The following LRP1 variants were observed in gnomAD, a reference collection of about 807,000 sequenced individuals.
LRP1 encodes prolow-density lipoprotein receptor-related protein 1.
Under a neutral mutation model 541.5 loss-of-function variants are expected in LRP1, and 51 were observed. The observed-to-expected ratio is 0.09, with a 90% CI of 0.08 to 0.12. The LOEUF is 0.12. LRP1 is among the 10% of genes least tolerant of loss of function. The probability of loss-of-function intolerance (pLI) is 1.00; values close to 1 mark genes in which losing one functional copy is unlikely to be tolerated. For synonymous variants in LRP1, 2,219 were observed against 2,470.8 expected, an observed-to-expected ratio of 0.90 and a Z score of 3.02; for missense variants, 3,878 against 6,376.2, an observed-to-expected ratio of 0.61 and a Z score of 13.34.
At chr12:57,151,144 T>A (rs2035518044) in intron 6 of LRP1, among the ~76,000 whole-genome samples, 1 of 151,966 alleles carries the variant, frequency 6.6e-6, no homozygotes, top group Admixed American at 6.6e-5. Flanking sequence ...ATGGGGTGGG[T>A]CCCATGTGTT....
rs553631204 is a variant in LRP1 at position 57,199,859 on chromosome 12, C to A, written c.9866-18C>A. ...GGCCAGAAAATGTCACCATATTTCA[C>A]GACGTTTTCTCTGGCAGTGCCCAAT... On this transcript the variant is annotated intron_variant, in intron 61 of 88. Transcript: ENST00000243077. 3.2e-6 allele frequency: 5 copies of A among 1,572,784 alleles called. No homozygotes were observed. The highest frequency in any genetic ancestry group is 4.3e-6 in the Non-Finnish European group (5 of 1,161,870).
In LRP1 at chr12:57,193,705, A is replaced by G. The variant is rs1178221764; in HGVS notation, c.7804+20A>G. On this transcript the variant is annotated intron_variant, in intron 47 of 88. Transcript: ENST00000243077. The stretch of plus-strand genomic sequence containing the variant: ...GCAACAGTGAGTGAGGCGCACTGGC[A>G]TAACCCATCTGTACCTCAGTTCCTG... 1 of 1,614,092 alleles carries G rather than the reference A, an allele frequency of 6.2e-7. No individual in the cohort carries two copies. The highest frequency in any genetic ancestry group is 1.1e-5 in the South Asian group (1 of 91,088).
Position 57,128,902 on chromosome 12 carries a change from G to T in LRP1, c.-63G>T, listed in dbSNP as rs554712800. On this transcript the variant is annotated 5_prime_UTR_variant, in exon 1 of 89. Transcript: ENST00000243077. ...AAAAGGGGGACCCCCCAACTGGGGG[G>T]GGTGAAGGAGAGAAGTAGCAGGACC... The T allele has an allele frequency of 8.4e-6, 12 of 1,423,088 alleles. No homozygotes were observed. Among genetic ancestry groups the T allele is most frequent in the African/African-American group, 2.8e-5 (2 of 70,580 alleles). The allele number at this position is 1,423,088 out of a possible 1,614,324, so 88.2% of individuals were successfully genotyped here.
chr12:57,175,347 A>G (rs2036021285), intron 22 of LRP1, 113 bp from the exon 23 acceptor site: 1 of 1,248,790 alleles, frequency 8.0e-7, no homozygotes, highest in Non-Finnish European at 1.1e-6. Context: ...GGCCGTGGGC[A>G]GGGCACAAGG....
intron 45 of LRP1, 96 bp downstream of exon 45, chr12:57,193,066 G>T (rs1185202547): frequency 6.3e-7 from 1 of 1,586,720 alleles, no homozygotes; most frequent in Non-Finnish European, 8.6e-7. Flanking sequence ...GCCCCCCAAA[G>T]CCTTTTGCCA....
At chr12:57,191,147 G>A (rs888399270) in intron 43 of LRP1, 138 bp downstream of exon 43, 72 of 1,126,166 alleles carry the variant, frequency 6.4e-5, no homozygotes, top group Non-Finnish European at 8.7e-5. Context: ...CCCCAGCCTC[G>A]GTCAACCCCA....
chr12:57,188,345 A>G (rs1229911225), intron 42 of LRP1, among the ~76,000 whole-genome samples: 1 of 152,194 alleles, frequency 6.6e-6, no homozygotes, highest in East Asian at 1.9e-4. Context: ...CAAAAGCTTT[A>G]CTAGGAAACT....
rs1335495800 is a variant in LRP1 at position 57,206,817 on chromosome 12, G to A, written c.11859+76G>A. On this transcript the variant is annotated intron_variant, in intron 76 of 88. Transcript: ENST00000243077. This position sits in a 1 kb window ranked among gnomAD's most constrained non-coding sequence, Gnocchi z 4.7. Reference sequence around the variant, plus strand: ...CGGTTCAGAGCAGGATTTGAAAAGGGCAGTGCTGGCTAGGCGCAGTGGCTC... The same window carrying A: ...CGGTTCAGAGCAGGATTTGAAAAGGACAGTGCTGGCTAGGCGCAGTGGCTC... 2.0e-6 allele frequency: 3 copies of A among 1,530,338 alleles called. No homozygotes were observed. Among genetic ancestry groups the A allele is most frequent in the Non-Finnish European group, 2.7e-6 (3 of 1,129,558 alleles). 94.8% of individuals were successfully genotyped at this position (1,530,338 alleles called of 1,614,324 possible).
Position 57,177,348 on chromosome 12 carries a change from A to G in LRP1, c.4197-79A>G, listed in dbSNP as rs1592634176. 7.7e-6 allele frequency: 12 copies of G among 1,557,972 alleles called. No homozygotes were observed. The highest frequency in any genetic ancestry group is 1.0e-5 in the Non-Finnish European group (12 of 1,143,030). Reference sequence around the variant, plus strand: ...TCCTCAGTGCCATCTGCCTCCTCCCACCCTCTACCTACGATCCCACCACAG... The same window carrying G: ...TCCTCAGTGCCATCTGCCTCCTCCCGCCCTCTACCTACGATCCCACCACAG... On this transcript the variant is annotated intron_variant, in intron 25 of 88. Coordinates refer to ENST00000243077, the MANE Select transcript of LRP1 (RefSeq NM_002332.3). This position sits in a 1 kb window ranked among gnomAD's most constrained non-coding sequence, Gnocchi z 6.8.
Position 57,158,349 on chromosome 12 carries a change from G to A in LRP1, c.1562-53G>A. 4.8e-6 allele frequency: 7 copies of A among 1,445,236 alleles called. No homozygotes were observed. Among genetic ancestry groups the A allele is most frequent in the Non-Finnish European group, 6.7e-6 (7 of 1,048,514 alleles). 89.5% of individuals were successfully genotyped at this position (1,445,236 alleles called of 1,614,324 possible). On this transcript the variant is annotated intron_variant, in intron 10 of 88. Coordinates refer to ENST00000243077, the MANE Select transcript of LRP1 (RefSeq NM_002332.3). The surrounding 1 kb of genome is among the most constrained non-coding windows in gnomAD (Gnocchi z 5.3). ...GCCCCTTGGCCGCAGCCCCTGGGTGGGGATGATGGTCATGTGTGTGTCTGA... is the reference window on the plus strand; with the variant it reads ...GCCCCTTGGCCGCAGCCCCTGGGTGAGGATGATGGTCATGTGTGTGTCTGA...
Position 57,189,910 on chromosome 12 carries a change from G to A in LRP1, c.7032-895G>A, listed in dbSNP as rs1031398053. Among the ~76,000 whole-genome samples, 5 of 152,056 alleles carry A rather than the reference G, an allele frequency of 3.3e-5. No individual in the cohort carries two copies. The highest frequency in any genetic ancestry group is 1.2e-4 in the African/African-American group (5 of 41,380). ...GACCCAGGGCTCACCATCCAATGCC[G>A]GTGGTCCAAGGACCACTCTGTCACA... On this transcript the variant is annotated intron_variant, in intron 42 of 88. Coordinates refer to ENST00000243077, the MANE Select transcript of LRP1 (RefSeq NM_002332.3). The surrounding 1 kb of genome is among the most constrained non-coding windows in gnomAD (Gnocchi z 4.4).
intron 6 of LRP1, chr12:57,149,310 C>T (rs1401579273): frequency 6.8e-6 from 3 of 440,140 alleles, no homozygotes; most frequent in Admixed American, 7.9e-5. Flanking sequence ...TTTTGCTTCC[C>T]ATTCCTGTTC....
Position 57,206,421 on chromosome 12 carries a change from G to C in LRP1, c.11591-52G>C. The stretch of plus-strand genomic sequence containing the variant: ...TCATGTGAAAGGAGCTGAGCTGGGT[G>C]GGGTGCACACCTGCATCCCACAGCC... On this transcript the variant is annotated intron_variant, in intron 75 of 88. Transcript: ENST00000243077. This position sits in a 1 kb window ranked among gnomAD's most constrained non-coding sequence, Gnocchi z 4.7. The C allele has an allele frequency of 1.3e-6, 2 of 1,580,016 alleles. No individual in the cohort carries two copies. The highest frequency in any genetic ancestry group is 1.7e-6 in the Non-Finnish European group (2 of 1,154,730).
Position 57,206,430 on chromosome 12 carries a change from A to G in LRP1, c.11591-43A>G, listed in dbSNP as rs1051880874. On this transcript the variant is annotated intron_variant, in intron 75 of 88. Coordinates refer to ENST00000243077, the MANE Select transcript of LRP1 (RefSeq NM_002332.3). The surrounding 1 kb of genome is among the most constrained non-coding windows in gnomAD (Gnocchi z 4.7). ...AGGAGCTGAGCTGGGTGGGGTGCAC[A>G]CCTGCATCCCACAGCCCCAGCCCTG... The G allele has an allele frequency of 3.1e-6, 5 of 1,596,280 alleles. No individual in the cohort carries two copies. The African/African-American group carries it at 6.7e-5, about 21-fold the overall frequency.
Position 57,183,997 on chromosome 12 carries a change from G to A in LRP1, c.5929+88G>A. On this transcript the variant is annotated intron_variant, in intron 36 of 88. Transcript: ENST00000243077. The surrounding 1 kb of genome is among the most constrained non-coding windows in gnomAD (Gnocchi z 6.1). ...GGAGGAGTTGGCGGGAGCAGGAAGA[G>A]GAGCTGTAGGGGTGCCTGGGAGCTT... 6.2e-7 allele frequency: 1 copy of A among 1,602,944 alleles called. No individual in the cohort carries two copies.
chr12:57,185,478 C>T lies in LRP1; in HGVS notation c.6464-53C>T. ...GCCAAAGCCTGGATGACAAAGGCAC[C>T]AGTGAGCCTTTCCCAAGGCAGGCCC... On this transcript the variant is annotated intron_variant, in intron 40 of 88. Transcript: ENST00000243077. The surrounding 1 kb of genome is among the most constrained non-coding windows in gnomAD (Gnocchi z 4.9). 6.6e-7 allele frequency: 1 copy of T among 1,517,074 alleles called. No homozygotes were observed. Among genetic ancestry groups the T allele is most frequent in the Non-Finnish European group, 8.8e-7 (1 of 1,135,128 alleles). The allele number at this position is 1,517,074 out of a possible 1,614,324, so 94.0% of individuals were successfully genotyped here.
chr12:57,129,209 G>C, intron 1 of LRP1, 178 bp downstream of exon 1: 1 of 638,282 alleles, frequency 1.6e-6, no homozygotes, highest in South Asian at 1.9e-5. Flanking sequence ...GGGGATGGGG[G>C]CCCTGGGCAA....
rs2036645858 is a variant in LRP1, at chr12:57,201,166, G to A, written c.10345+13G>A. The A allele has an allele frequency of 4.3e-6, 7 of 1,613,794 alleles. No homozygotes were observed. Among genetic ancestry groups the A allele is most frequent in the Non-Finnish European group, 5.9e-6 (7 of 1,179,724 alleles). ...GAGAGGGACTGCCGTGAGTGTCAGA[G>A]GTGGTGGTGGGCCGGTGGTGGGAGA... On this transcript the variant is annotated intron_variant, in intron 65 of 88. Coordinates refer to ENST00000243077, the MANE Select transcript of LRP1 (RefSeq NM_002332.3). This position sits in a 1 kb window ranked among gnomAD's most constrained non-coding sequence, Gnocchi z 6.4.
chr12:57,200,418 C>T, intron 62 of LRP1, 24 bp from the exon 63 acceptor site: 3 of 1,426,844 alleles, frequency 2.1e-6, no homozygotes, highest in Non-Finnish European at 3.0e-6. Flanking sequence ...CCACCAACCC[C>T]TCTTGCCCCC....
Sources: gnomAD v4.1 joint callset for allele counts (sites outside exome capture counted in the v4.1 genomes callset) on GRCh38, gnomAD v4.1.1 for gene constraint, Gnocchi (gnomAD v3.1) non-coding constraint, MANE v1.5 for transcripts, NCBI Gene and HGNC (gene_info 2026-07-23, HGNC 2026-07-21) for gene names.